The following BRINP3 variants were observed in gnomAD, a reference collection of about 807,000 sequenced individuals.
The protein encoded by BRINP3 is BMP/retinoic acid inducible neural specific 3, also known as BMP/retinoic acid-inducible neural-specific protein 3.
Under a neutral mutation model 71.0 loss-of-function variants are expected in BRINP3, and 19 were observed. That is an observed-to-expected ratio of 0.27 (90% confidence interval 0.19 to 0.39). BRINP3 has a LOEUF of 0.39. Ranked by LOEUF, BRINP3 falls within the 10% of genes least tolerant of loss-of-function variation. The pLI is 1.00. For synonymous variants in BRINP3, 380 were observed against 337.7 expected (o/e 1.13, Z -1.37); for missense variants, 959 against 940.8 (o/e 1.02, Z -0.25).
chr1:190,438,379 A>C (rs1188154233), intron 2 of BRINP3, among the ~76,000 whole-genome samples: 1 of 151,728 alleles, frequency 6.6e-6, no homozygotes, highest in African/African-American at 2.4e-5. Flanking sequence ...TTTTCTCTCT[A>C]TCTCTCATCA....
In BRINP3 at chr1:190,246,404, G is replaced by A. The variant is rs1445732907; in HGVS notation, c.619-11927C>T. 4.3e-4 allele frequency among the ~76,000 whole-genome samples: 11 copies of A among 25,766 alleles called. No homozygotes were observed. In the South Asian group the frequency reaches 8.6e-3, roughly 20 times the overall value. 16.9% of individuals were successfully genotyped at this position (25,766 alleles called of 152,430 possible). A position where few individuals can be genotyped will look rare whatever the true frequency, so the allele number is the denominator to read the frequency against. On this transcript the variant is annotated intron_variant, in intron 4 of 7. Coordinates refer to ENST00000367462, the MANE Select transcript of BRINP3 (RefSeq NM_199051.3). ...CTAACAATTTGCTCTGGGGTCATTC[G>A]GTTATAAAACCCCAGGTCTATGAAT...
chr1:190,215,423 A>G (rs935142337), intron 6 of BRINP3, among the ~76,000 whole-genome samples: 2 of 151,994 alleles, frequency 1.3e-5, no homozygotes, highest in Non-Finnish European at 2.9e-5. Flanking sequence ...GTAGCATGTT[A>G]GTTAAAATTC....
chr1:190,340,582 G>A (rs996228709), intron 2 of BRINP3, among the ~76,000 whole-genome samples: 8 of 151,866 alleles, frequency 5.3e-5, no homozygotes, highest in Admixed American at 1.3e-4. Flanking sequence ...GCAAGTCTGT[G>A]TTCCTGACAC....
intron 2 of BRINP3, among the ~76,000 whole-genome samples, chr1:190,319,982 G>GT (rs931239172): frequency 6.6e-6 from 1 of 151,940 alleles, no homozygotes; most frequent in South Asian, 2.1e-4. Context: ...TATTCTATAA[G>GT]TTTTTTGTTT....
At chr1:190,240,000 T>C (rs1658902407) in intron 4 of BRINP3, among the ~76,000 whole-genome samples, 1 of 151,624 alleles carries the variant, frequency 6.6e-6, no homozygotes, top group Non-Finnish European at 1.5e-5. Flanking sequence ...TTTTTTTATT[T>C]CAAGGCTACA....
At chr1:190,425,863 C>A (rs1673668387) in intron 2 of BRINP3, among the ~76,000 whole-genome samples, 1 of 151,732 alleles carries the variant, frequency 6.6e-6, no homozygotes, top group African/African-American at 2.4e-5. Context: ...GCAATAAAAT[C>A]TTCCTCTCTA....
Position 190,097,880 on chromosome 1 carries a change from AT to A in BRINP3, c.*137del, listed in dbSNP as rs1175815351. The A allele has an allele frequency of 1.0e-6, 1 of 955,502 alleles. No individual in the cohort carries two copies. The highest frequency in any genetic ancestry group is 1.5e-6 in the Non-Finnish European group (1 of 646,550). The allele number at this position is 955,502 out of a possible 1,614,324, so 59.2% of individuals were successfully genotyped here. On this transcript the variant is annotated 3_prime_UTR_variant, in exon 8 of 8. Coordinates refer to ENST00000367462, the MANE Select transcript of BRINP3 (RefSeq NM_199051.3). ...ATTGTCAGCAAGTTCATGTGTGTAA[AT>A]TGCCATCCAATGTTATTGACTGATA...
intron 2 of BRINP3, among the ~76,000 whole-genome samples, chr1:190,311,521 T>C (rs1430345484): frequency 6.6e-6 from 1 of 151,546 alleles, no homozygotes; most frequent in African/African-American, 2.4e-5. Flanking sequence ...GAAATAATGA[T>C]ATGGGTTTGA....
intron 6 of BRINP3, among the ~76,000 whole-genome samples, chr1:190,196,833 G>A (rs1283644209): frequency 2.0e-5 from 3 of 151,684 alleles, no homozygotes. Flanking sequence ...TAGTCACTGA[G>A]AAACTTTCAT....
In BRINP3 at chr1:190,257,801, C is replaced by T. The variant is rs150364672; in HGVS notation, c.618+7064G>A. On this transcript the variant is annotated intron_variant, in intron 4 of 7. Coordinates refer to ENST00000367462, the MANE Select transcript of BRINP3 (RefSeq NM_199051.3). ...CCAGACCCTGTTTGCCTGGGTATCA[C>T]CAGTGGAGGCTGCAGAGCAGCAAAT... 5.4e-3 allele frequency among the ~76,000 whole-genome samples: 821 copies of T among 152,276 alleles called. 5 individuals carry two copies. The highest frequency in any genetic ancestry group is 0.018 in the African/African-American group (752 of 41,554).
chr1:190,476,251 T>TAA (rs58413136), intron 1 of BRINP3, among the ~76,000 whole-genome samples: 47,507 of 142,124 alleles, frequency 0.33, 9,155 homozygotes, highest in Non-Finnish European at 0.44. Context: ...TCCCAGAAAT[T>TAA]AAAAAAAAAA....
chr1:190,394,220 A>C (rs1036327400), intron 2 of BRINP3, among the ~76,000 whole-genome samples: 2 of 151,538 alleles, frequency 1.3e-5, no homozygotes, highest in African/African-American at 2.4e-5. Context: ...AATTTATAAT[A>C]CTTTAAAATA....
chr1:190,106,665 T>C (rs1017283082), intron 7 of BRINP3, among the ~76,000 whole-genome samples: 2 of 151,400 alleles, frequency 1.3e-5, no homozygotes, highest in African/African-American at 4.8e-5. Flanking sequence ...AACATATATT[T>C]ATTTATTATT....
chr1:190,413,449 C>A (rs1200521156), intron 2 of BRINP3, among the ~76,000 whole-genome samples: 5 of 152,148 alleles, frequency 3.3e-5, no homozygotes, highest in South Asian at 4.1e-4. Flanking sequence ...AGTAAAATAT[C>A]TTTAAATGAA....
intron 2 of BRINP3, among the ~76,000 whole-genome samples, chr1:190,423,172 G>C (rs1190171468): frequency 6.6e-6 from 1 of 151,622 alleles, no homozygotes; most frequent in Non-Finnish European, 1.5e-5. Flanking sequence ...CATGTATTCT[G>C]CTCCCCAGGA....
At chr1:190,378,219 G>C (rs1401079090) in intron 2 of BRINP3, among the ~76,000 whole-genome samples, 1 of 152,152 alleles carries the variant, frequency 6.6e-6, no homozygotes, top group African/African-American at 2.4e-5. Context: ...ATTCTGGCCA[G>C]AGTCTCAACA....
chr1:190,288,297 T>C (rs953848310), intron 2 of BRINP3, among the ~76,000 whole-genome samples: 3 of 151,838 alleles, frequency 2.0e-5, no homozygotes, highest in African/African-American at 7.2e-5. Context: ...AAATAAAATA[T>C]TTAGTCTGTT....
Position 190,185,735 on chromosome 1 carries a change from T to C in BRINP3, c.962-24845A>G, listed in dbSNP as rs575206763. Among the ~76,000 whole-genome samples the C allele has an allele frequency of 3.2e-4, 49 of 152,238 alleles. 1 individual carries two copies. Among genetic ancestry groups the C allele is most frequent in the Middle Eastern group, 6.8e-3 (2 of 294 alleles). ...TACAAATATTTGATCTAAAAATGTA[T>C]AATAGCTGAATAAAACATCTGCAGG... On this transcript the variant is annotated intron_variant, in intron 6 of 7. Coordinates refer to ENST00000367462, the MANE Select transcript of BRINP3 (RefSeq NM_199051.3).
chr1:190,399,582 GTA>G (rs1390256685), intron 2 of BRINP3, among the ~76,000 whole-genome samples: 2 of 151,940 alleles, frequency 1.3e-5, no homozygotes, highest in South Asian at 4.1e-4. Flanking sequence ...CAGTCTCTTG[GTA>G]AATGCAGATA....
Sources: gnomAD v4.1 joint callset for allele counts (sites outside exome capture counted in the v4.1 genomes callset) on GRCh38, gnomAD v4.1.1 for gene constraint, MANE v1.5 for transcripts, NCBI Gene and HGNC (gene_info 2026-07-23, HGNC 2026-07-21) for gene names.